CCDC14: variants seen among roughly 807,000 people sequenced by gnomAD.
CCDC14 encodes the protein coiled-coil domain containing 14.
In CCDC14, 71 loss-of-function variants were observed where a neutral mutation model predicts 81.4. The observed-to-expected ratio is 0.87, with a 90% CI of 0.72 to 1.06. The LOEUF is 1.06. Ranked by LOEUF, CCDC14 falls within the 50% of genes least tolerant of loss-of-function variation. The pLI is 0.00. For missense variants in CCDC14, 1,046 were observed against 1,047.3 expected, an observed-to-expected ratio of 1.00 and a Z score of 0.02; for synonymous variants, 332 against 364.8, an observed-to-expected ratio of 0.91 and a Z score of 1.03.
chr3:123,891,479 G>C, the CCDC14 span, among the ~76,000 whole-genome samples: 4 of 152,168 alleles, frequency 2.6e-5, no homozygotes, highest in African/African-American at 9.7e-5. Context: ...TCTTCTGCCA[G>C]ATACCCTAAA....
chr3:123,956,914 C>G lies in CCDC14; in HGVS notation c.31-119G>C, dbSNP rs1386502466. The G allele has an allele frequency of 4.9e-6, 3 of 617,696 alleles. No homozygotes were observed. The African/African-American group carries it at 5.8e-5, about 12-fold the overall frequency. 38.3% of individuals were successfully genotyped at this position (617,696 alleles called of 1,614,324 possible). A position where few individuals can be genotyped will look rare whatever the true frequency, so the allele number is the denominator to read the frequency against. On this transcript the variant is annotated intron_variant, in intron 1 of 12. Coordinates refer to ENST00000409697, the MANE Select transcript of CCDC14 (RefSeq NM_001366335.1). ...TTATTCATCTTCTCAAACTGAAACT[C>G]TGCATCCATTAAACAATACCTTTCC...
At chr3:123,909,756 T>C (rs1357106132), downstream of CCDC14, among the ~76,000 whole-genome samples, 5 of 152,206 alleles carry the variant, frequency 3.3e-5, no homozygotes, top group Admixed American at 1.3e-4. Context: ...TCCTTATTAT[T>C]AGACCATGCT....
At chr3:123,928,648 T>C (rs887047279) in intron 12 of CCDC14, among the ~76,000 whole-genome samples, 3 of 152,218 alleles carry the variant, frequency 2.0e-5, no homozygotes, top group African/African-American at 4.8e-5. Flanking sequence ...ACATATATAT[T>C]TGGAACATAA....
rs2034590751 is a variant in CCDC14, at chr3:123,915,224, G to A, written c.2273C>T (p.Ala758Val). ...GCTGTTGCTGACTAGCTGTGTTGTA[G>A]CTGCTCTTATTTGTGGCTGAGGGGA... Reference protein sequence around the residue: ...RLSPQPQIRAATTQLVSNSGL... With the variant: ...RLSPQPQIRAVTTQLVSNSGL... The change falls in exon 13 of 13, where the codon GCT (alanine) becomes GTT (valine). Residue 758 changes from alanine (A) to valine (V), a missense_variant. By Grantham distance (64) the Ala-to-Val change is moderately conservative (BLOSUM62 0). Transcript: ENST00000409697. The A allele has an allele frequency of 6.2e-7, 1 of 1,613,718 alleles. No individual in the cohort carries two copies. Among genetic ancestry groups the A allele is most frequent in the Non-Finnish European group, 8.5e-7 (1 of 1,179,764 alleles).
At position 123,944,948 on chromosome 3, in the gene CCDC14, C is replaced by T. The variant is rs1377244814; in HGVS notation, c.1244G>A (p.Cys415Tyr). 1.2e-6 allele frequency: 2 copies of T among 1,608,842 alleles called. No individual in the cohort carries two copies. The highest frequency in any genetic ancestry group is 1.7e-5 in the Admixed American group (1 of 59,928). ...IQRLITEMEA[C>Y]ISVLPTVSGN... ...ACTTACTGTTGGAAGTACAGATATA[C>T]ATGCCTCCATTTCTGTAATCAACCT... Residue 415 changes from cysteine to tyrosine, a missense_variant, in exon 9 of 13, where the codon TGT becomes TAT. Cys to Tyr is a radical substitution (Grantham distance 194). Transcript: ENST00000409697.
At chr3:123,924,926 T>C (rs183395185) in intron 12 of CCDC14, among the ~76,000 whole-genome samples, 17,362 of 145,738 alleles carry the variant, frequency 0.12, 2,413 homozygotes, top group East Asian at 0.4. Context: ...TATATATATA[T>C]ACACACACAT....
downstream of CCDC14, among the ~76,000 whole-genome samples, chr3:123,894,454 C>T (rs958245639): frequency 1.3e-5 from 2 of 152,088 alleles, no homozygotes; most frequent in Non-Finnish European, 2.9e-5. Context: ...TCTGAGGTTC[C>T]ATATGGGTTT....
downstream of CCDC14, among the ~76,000 whole-genome samples, chr3:123,893,697 AG>A (rs1227858188): frequency 6.6e-6 from 1 of 152,112 alleles, no homozygotes; most frequent in Admixed American, 6.5e-5. Flanking sequence ...GCAATGCACA[AG>A]GGTTCCAGTT....
At chr3:123,933,134 C>T (rs1039594139) in intron 10 of CCDC14, among the ~76,000 whole-genome samples, 3 of 77,510 alleles carry the variant, frequency 3.9e-5, no homozygotes, top group Non-Finnish European at 8.0e-5. Flanking sequence ...ACAAACAAAG[C>T]TGACATATAT....
At chr3:123,948,532 C>T (rs1487612139) in intron 7 of CCDC14, among the ~76,000 whole-genome samples, 159 bp downstream of exon 7, 3 of 152,024 alleles carry the variant, frequency 2.0e-5, no homozygotes, top group African/African-American at 4.8e-5. Flanking sequence ...TTAGCCACGG[C>T]GCTCGGCCAT....
chr3:123,952,964 A>T (rs981711322), intron 5 of CCDC14: 1 of 169,106 alleles, frequency 5.9e-6, no homozygotes, highest in Non-Finnish European at 1.3e-5. Context: ...CTGTGGAAGT[A>T]GGTCCTTCCT....
chr3:123,944,109 T>C lies in CCDC14; in HGVS notation c.1343+740A>G, dbSNP rs2036502742. On this transcript the variant is annotated intron_variant, in intron 9 of 12. Transcript: ENST00000409697. ...TCTGATACCATTTCCAGGTAGATAG[T>C]GTTGGAATTGAACTGGAGGACACCC... 2.0e-5 allele frequency among the ~76,000 whole-genome samples: 3 copies of C among 152,120 alleles called. No individual in the cohort carries two copies. In the South Asian group the frequency reaches 6.2e-4, roughly 32 times the overall value.
downstream of CCDC14, among the ~76,000 whole-genome samples, chr3:123,896,945 C>A (rs896392283): frequency 1.3e-5 from 2 of 152,008 alleles, no homozygotes; most frequent in Non-Finnish European, 2.9e-5. Context: ...GTATTACCTC[C>A]CCATGTACTA....
At chr3:123,919,909 AC>A (rs1380069786) in intron 12 of CCDC14, among the ~76,000 whole-genome samples, 10 of 152,182 alleles carry the variant, frequency 6.6e-5, no homozygotes, top group Non-Finnish European at 1.5e-4. Flanking sequence ...GAAATAAAGC[AC>A]CAATAATGGA....
At chr3:123,922,756 T>G (rs2035128091) in intron 12 of CCDC14, among the ~76,000 whole-genome samples, 1 of 152,100 alleles carries the variant, frequency 6.6e-6, no homozygotes, top group African/African-American at 2.4e-5. Context: ...CAAGACAGCT[T>G]TATAGCTGAA....
At chr3:123,927,457 T>C (rs2035436155) in intron 12 of CCDC14, among the ~76,000 whole-genome samples, 2 of 152,038 alleles carry the variant, frequency 1.3e-5, no homozygotes, top group South Asian at 2.1e-4. Flanking sequence ...ATGAACGTAC[T>C]TAGAATTTTG....
At chr3:123,913,132 T>C (rs1436373557), downstream of CCDC14, among the ~76,000 whole-genome samples, 1 of 152,220 alleles carries the variant, frequency 6.6e-6, no homozygotes, top group Admixed American at 6.5e-5. Flanking sequence ...TCATATTCCA[T>C]CTTGAAATTT....
intron 9 of CCDC14, among the ~76,000 whole-genome samples, chr3:123,940,191 A>T (rs2036275487): frequency 6.6e-6 from 1 of 151,892 alleles, no homozygotes; most frequent in African/African-American, 2.4e-5. Context: ...TTCAGGCTTC[A>T]CAATACTTAA....
intron 12 of CCDC14, among the ~76,000 whole-genome samples, chr3:123,929,579 A>T (rs993302357): frequency 1.3e-5 from 2 of 152,188 alleles, no homozygotes. Context: ...CTGGGGTTAC[A>T]GGCATGAGGC....
Sources: allele counts gnomAD v4.1 joint callset (sites outside exome capture counted in the v4.1 genomes callset), GRCh38; gene constraint gnomAD v4.1.1; transcripts MANE v1.5; gene names NCBI Gene and HGNC (gene_info 2026-07-23, HGNC 2026-07-21).